URB1: variants seen among roughly 807,000 people sequenced by gnomAD.
The protein encoded by URB1 is URB1 ribosome biogenesis factor.
A neutral mutation model predicts 242.3 loss-of-function variants in URB1; 197 were observed. The observed-to-expected ratio is 0.81, with a 90% CI of 0.72 to 0.91. The LOEUF (loss-of-function observed/expected upper bound fraction) is 0.91. Ranked by LOEUF, URB1 falls within the 40% of genes least tolerant of loss-of-function variation. The pLI, the probability that URB1 is intolerant of heterozygous loss-of-function variation, is 0.00. For missense variants in URB1, 2,721 were observed against 2,860.5 expected (o/e 0.95, Z 1.11); for synonymous variants, 1,153 against 1,201.8 (o/e 0.96, Z 0.84).
chr21:32,340,950 C>A (rs1015321865), intron 25 of URB1, among the ~76,000 whole-genome samples: 1 of 151,292 alleles, frequency 6.6e-6, no homozygotes. Context: ...AGTATCAGTA[C>A]GGGTAAATTA....
intron 30 of URB1, among the ~76,000 whole-genome samples, chr21:32,326,244 C>G (rs1464700430): frequency 6.6e-6 from 1 of 152,184 alleles, no homozygotes; most frequent in East Asian, 1.9e-4. Flanking sequence ...TTAAACTGAT[C>G]ATGATAATTA....
chr21:32,377,241 G>C (rs1382309067), intron 5 of URB1: 2 of 518,786 alleles, frequency 3.9e-6, no homozygotes, highest in Non-Finnish European at 3.8e-6. Flanking sequence ...GCCAGGCAAT[G>C]GTTCAGGGCT....
At chr21:32,315,673 T>C (rs1030980238) in intron 38 of URB1, among the ~76,000 whole-genome samples, 3 of 152,228 alleles carry the variant, frequency 2.0e-5, no homozygotes, top group Non-Finnish European at 4.4e-5. Flanking sequence ...GTTCTGACCA[T>C]CCATGCCAAG....
chr21:32,355,225 A>G (rs752371917), intron 16 of URB1, among the ~76,000 whole-genome samples: 13 of 152,144 alleles, frequency 8.5e-5, no homozygotes, highest in Non-Finnish European at 1.6e-4. Flanking sequence ...CTATTCCCCT[A>G]TGCAAAAACA....
At chr21:32,382,514 T>C (rs1408684386) in intron 4 of URB1, among the ~76,000 whole-genome samples, 2 of 152,230 alleles carry the variant, frequency 1.3e-5, no homozygotes, top group East Asian at 1.9e-4. Flanking sequence ...TTCCCGGCAA[T>C]GTAGAAACTC....
In URB1 at chr21:32,324,609, A is replaced by C; in HGVS notation, c.5122-7T>G. 1.3e-6 allele frequency: 2 copies of C among 1,546,134 alleles called. No individual in the cohort carries two copies. The highest frequency in any genetic ancestry group is 1.8e-6 in the Non-Finnish European group (2 of 1,141,918). ...CATCCAACAGGTAAAGTAGCTTGAA[A>C]ACAGAACAGAAAAGGAAAATGTAAG... On this transcript the variant is annotated splice_region_variant and splice_polypyrimidine_tract_variant and intron_variant, in intron 31 of 38. Transcript: ENST00000382751.
At chr21:32,325,113 C>A in intron 31 of URB1, 116 bp downstream of exon 31, 1 of 1,308,516 alleles carries the variant, frequency 7.6e-7, no homozygotes, top group Non-Finnish European at 1.0e-6. Flanking sequence ...GATCTCCCGG[C>A]AACATGCCAC....
chr21:32,360,000 A>G, intron 13 of URB1, 92 bp from the exon 14 acceptor site: 1 of 1,159,016 alleles, frequency 8.6e-7, no homozygotes, highest in Non-Finnish European at 1.2e-6. Context: ...GGAACTCACC[A>G]TGGAGAAAGA....
chr21:32,348,637 G>T (rs2033121749), intron 21 of URB1, among the ~76,000 whole-genome samples: 1 of 152,194 alleles, frequency 6.6e-6, no homozygotes, highest in Admixed American at 6.5e-5. Context: ...GAAGGAAAGA[G>T]GAGCCTATCA....
chr21:32,392,466 T>C (rs1601164260), intron 1 of URB1, among the ~76,000 whole-genome samples: 2 of 152,194 alleles, frequency 1.3e-5, no homozygotes, highest in Admixed American at 6.5e-5. Flanking sequence ...CTTCATTTAC[T>C]TCCCTGACAA....
chr21:32,315,309 T>A (rs1192403120), intron 38 of URB1, among the ~76,000 whole-genome samples: 1 of 112,946 alleles, frequency 8.9e-6, no homozygotes, highest in African/African-American at 2.7e-5. Flanking sequence ...AAAGTTTCTT[T>A]TCTTTAAAAA....
At chr21:32,345,342 G>A in intron 23 of URB1, 32 bp downstream of exon 23, 2 of 1,543,154 alleles carry the variant, frequency 1.3e-6, no homozygotes, top group South Asian at 1.2e-5. Flanking sequence ...ACCGAGAGTG[G>A]AACATCCTGC....
intron 32 of URB1, among the ~76,000 whole-genome samples, chr21:32,323,441 T>C (rs2032791430): frequency 1.3e-5 from 2 of 152,162 alleles, no homozygotes; most frequent in African/African-American, 4.8e-5. Flanking sequence ...AAAAAAAGTC[T>C]TAGAATGAGC....
In URB1 at chr21:32,320,070, G is replaced by A. The variant is rs539313716; in HGVS notation, c.5594+461C>T. Among the ~76,000 whole-genome samples the A allele has an allele frequency of 3.9e-5, 6 of 152,284 alleles. No individual in the cohort carries two copies. The South Asian group carries it at 8.3e-4, about 21-fold the overall frequency. ...ACCCCTGGTGCTGCTCCTCTAATGC[G>A]GGCTCATCACTGAGGACAGAGACCC... On this transcript the variant is annotated intron_variant, in intron 35 of 38. Coordinates refer to ENST00000382751, the MANE Select transcript of URB1 (RefSeq NM_014825.3).
intron 27 of URB1, 115 bp downstream of exon 27, chr21:32,337,289 G>T: frequency 7.5e-7 from 1 of 1,331,762 alleles, no homozygotes; most frequent in Non-Finnish European, 1.0e-6. Flanking sequence ...TGCACCGCCT[G>T]GTCTCACTGT....
rs2833761 is a variant in URB1, at chr21:32,312,104, A to G, written c.*2814T>C. The G allele has an allele frequency of 0.13, 207,314 of 1,575,690 alleles. 17,918 individuals carry two copies. Among genetic ancestry groups the G allele is most frequent in the African/African-American group, 0.43 (32,292 of 74,584 alleles). ...GCCATTTGCATGTAGCAGAAAGGGC[A>G]CCTAGGTCAAGTGCAACTAGAGCAG... On this transcript the variant is annotated 3_prime_UTR_variant, in exon 39 of 39. Coordinates refer to ENST00000382751, the MANE Select transcript of URB1 (RefSeq NM_014825.3).
At chr21:32,374,025 G>C (rs1355319063) in intron 6 of URB1, among the ~76,000 whole-genome samples, 11 of 152,106 alleles carry the variant, frequency 7.2e-5, no homozygotes, top group Admixed American at 7.2e-4. Context: ...ATATACATGT[G>C]TATGTATTCA....
At chr21:32,388,849 C>G (rs1432346333) in intron 1 of URB1, among the ~76,000 whole-genome samples, 2 of 152,238 alleles carry the variant, frequency 1.3e-5, no homozygotes, top group Non-Finnish European at 2.9e-5. Context: ...TGTTTGCCGT[C>G]TTTACAGGTT....
Position 32,350,919 on chromosome 21 carries a change from G to C in URB1, c.2617C>G (p.Leu873Val). Residue 873 changes from leucine to valine, a missense_variant, in exon 20 of 39, where the codon CTG becomes GTG. Physicochemically the swap from Leu to Val is conservative, Grantham distance 32 (BLOSUM62 1). Coordinates refer to ENST00000382751, the MANE Select transcript of URB1 (RefSeq NM_014825.3). ...IPEQAREAWL[L>V]QAQGSPSPPA... ...GGCGAGGGGCTGCCCTGTGCCTGCA[G>C]CAGCTGAGGGAGACAGCAAAAGGCC... 1.3e-6 allele frequency: 2 copies of C among 1,544,650 alleles called. No individual in the cohort carries two copies. Among genetic ancestry groups the C allele is most frequent in the Non-Finnish European group, 1.7e-6 (2 of 1,146,094 alleles).
Sources: gnomAD v4.1 joint callset for allele counts (sites outside exome capture counted in the v4.1 genomes callset) on GRCh38, gnomAD v4.1.1 for gene constraint, MANE v1.5 for transcripts, NCBI Gene and HGNC (gene_info 2026-07-23, HGNC 2026-07-21) for gene names.